The following NEDD4L variants were observed in gnomAD, a reference collection of about 807,000 sequenced individuals.
NEDD4L encodes NEDD4 like E3 ubiquitin protein ligase.
A neutral mutation model predicts 148.9 loss-of-function variants in NEDD4L; 54 were observed. The ratio of observed to expected loss-of-function variants is 0.36; its 90% CI spans 0.29 to 0.45. NEDD4L has a LOEUF of 0.45. Ranked by LOEUF, NEDD4L falls within the 20% of genes least tolerant of loss-of-function variation. NEDD4L has a pLI of 1.00. For synonymous variants in NEDD4L, 433 were observed against 440.7 expected (o/e 0.98, Z 0.22); for missense variants, 856 against 1,233.8 (o/e 0.69, Z 4.59).
intron 19 of NEDD4L, chr18:58,359,839 C>G (rs965959080): frequency 7.9e-5 from 12 of 152,406 alleles, no homozygotes; most frequent in African/African-American, 2.6e-4. Context: ...TAACTGCTCT[C>G]CCAGGGATTC....
chr18:58,150,896 C>G (rs1369340618), intron 1 of NEDD4L, among the ~76,000 whole-genome samples: 1 of 152,186 alleles, frequency 6.6e-6, no homozygotes, highest in African/African-American at 2.4e-5. Flanking sequence ...CTCCTGTGAT[C>G]TTGCCTCACT....
At chr18:58,377,817 C>T (rs1357310054) in intron 24 of NEDD4L, among the ~76,000 whole-genome samples, 1 of 152,172 alleles carries the variant, frequency 6.6e-6, no homozygotes. Flanking sequence ...AATATCGGCT[C>T]ACTGCAACCT....
intron 1 of NEDD4L, among the ~76,000 whole-genome samples, chr18:58,119,303 A>ATGGGGGAGG (rs1598914833): frequency 6.6e-6 from 1 of 152,016 alleles, no homozygotes; most frequent in Non-Finnish European, 1.5e-5. Flanking sequence ...GGCCAGAGCA[A>ATGGGGGAGG]TGGGGGAGGT....
At chr18:58,196,147 T>C (rs1255191221) in intron 2 of NEDD4L, among the ~76,000 whole-genome samples, 2 of 152,236 alleles carry the variant, frequency 1.3e-5, no homozygotes, top group Non-Finnish European at 2.9e-5. Flanking sequence ...AATTTTCAAA[T>C]TTCTGAGTTC....
intron 1 of NEDD4L, among the ~76,000 whole-genome samples, chr18:58,136,087 G>T (rs759111527): frequency 6.6e-6 from 1 of 152,156 alleles, no homozygotes; most frequent in Non-Finnish European, 1.5e-5. Flanking sequence ...TTGTGGCTTA[G>T]AGGTAAAGCA....
intron 1 of NEDD4L, among the ~76,000 whole-genome samples, chr18:58,063,755 G>A (rs1031773496): frequency 2.7e-5 from 4 of 150,712 alleles, no homozygotes; most frequent in East Asian, 4.0e-4. Flanking sequence ...TTGTAGAGAC[G>A]GGGTTTCACC....
intron 2 of NEDD4L, among the ~76,000 whole-genome samples, chr18:58,188,043 G>A (rs2039665345): frequency 1.3e-5 from 2 of 152,208 alleles, no homozygotes; most frequent in South Asian, 4.1e-4. Flanking sequence ...TAAAAGAAAG[G>A]AGTTTGAACA....
At chr18:58,191,536 A>G (rs1046078036) in intron 2 of NEDD4L, among the ~76,000 whole-genome samples, 1 of 152,218 alleles carries the variant, frequency 6.6e-6, no homozygotes, top group Non-Finnish European at 1.5e-5. Flanking sequence ...TAGCTCTGCT[A>G]TAATAGGTAA....
At chr18:58,312,005 A>C (rs1248720718) in intron 5 of NEDD4L, among the ~76,000 whole-genome samples, 1 of 152,214 alleles carries the variant, frequency 6.6e-6, no homozygotes, top group Non-Finnish European at 1.5e-5. Context: ...TTTAAATGGG[A>C]GGGTGGCAGT....
intron 24 of NEDD4L, 43 bp downstream of exon 24, chr18:58,373,312 G>T: frequency 8.4e-7 from 1 of 1,188,456 alleles, no homozygotes; most frequent in East Asian, 2.5e-5. Flanking sequence ...AGCTTTCAAG[G>T]GGCATTTTTC....
intron 16 of NEDD4L, among the ~76,000 whole-genome samples, chr18:58,346,506 G>C (rs559735653): frequency 3.7e-4 from 57 of 152,306 alleles, no homozygotes; most frequent in African/African-American, 1.3e-3. Flanking sequence ...TAGTTAAGTT[G>C]CAGGTTTGTT....
At chr18:58,365,300 C>T (rs965594224) in intron 20 of NEDD4L, among the ~76,000 whole-genome samples, 1 of 152,180 alleles carries the variant, frequency 6.6e-6, no homozygotes, top group Non-Finnish European at 1.5e-5. Flanking sequence ...ATGATGATGA[C>T]TGTGGTCATC....
intron 2 of NEDD4L, among the ~76,000 whole-genome samples, chr18:58,210,152 G>A (rs1468304301): frequency 6.6e-6 from 1 of 152,056 alleles, no homozygotes; most frequent in Non-Finnish European, 1.5e-5. Context: ...GGCAAGAAAA[G>A]CGACACTTCG....
At position 58,114,361 on chromosome 18, in the gene NEDD4L, T is replaced by TACACAC. The variant is rs140008479; in HGVS notation, c.49-51415_49-51410dup. Among the ~76,000 whole-genome samples the TACACAC allele has an allele frequency of 2.7e-4, 40 of 150,896 alleles. 1 individual carries two copies. Among genetic ancestry groups the TACACAC allele is most frequent in the African/African-American group, 7.8e-4 (32 of 41,166 alleles). On this transcript the variant is annotated intron_variant, in intron 1 of 30. Transcript: ENST00000400345. ...GATTTAAAAAAAATATATATATATATACACACACACACACACATACACACA... is the reference window on the plus strand; with the variant it reads ...GATTTAAAAAAAATATATATATATATACACACACACACACACACACACATACACACA...
intron 2 of NEDD4L, among the ~76,000 whole-genome samples, chr18:58,170,173 C>A (rs539316936): frequency 6.6e-6 from 1 of 152,300 alleles, no homozygotes; most frequent in African/African-American, 2.4e-5. Flanking sequence ...AAGTTGCTGC[C>A]TTTTGCCTTT....
intron 5 of NEDD4L, chr18:58,255,579 T>A (rs1370741814): frequency 4.9e-6 from 6 of 1,232,014 alleles, no homozygotes; most frequent in Non-Finnish European, 4.0e-6. Flanking sequence ...GGTTTGTGAC[T>A]TCTGGCAGTG....
intron 1 of NEDD4L, among the ~76,000 whole-genome samples, chr18:58,074,328 G>A (rs191586130): frequency 2.7e-5 from 4 of 150,504 alleles, no homozygotes; most frequent in Admixed American, 6.6e-5. Context: ...ATGCCATCTC[G>A]GCTCACTGCA....
chr18:58,237,343 C>T (rs2046157400), intron 2 of NEDD4L, among the ~76,000 whole-genome samples: 1 of 152,132 alleles, frequency 6.6e-6, no homozygotes, highest in Non-Finnish European at 1.5e-5. Context: ...TTCCCCGTTT[C>T]CTTATAGCCT....
At chr18:58,234,841 C>T (rs1195100138) in intron 2 of NEDD4L, among the ~76,000 whole-genome samples, 1 of 152,162 alleles carries the variant, frequency 6.6e-6, no homozygotes, top group Non-Finnish European at 1.5e-5. Flanking sequence ...TGTGTATCAG[C>T]AGCAGCTGTG....
Sources: allele counts gnomAD v4.1 joint callset (sites outside exome capture counted in the v4.1 genomes callset), GRCh38; gene constraint gnomAD v4.1.1; transcripts MANE v1.5; gene names NCBI Gene and HGNC (gene_info 2026-07-23, HGNC 2026-07-21).